Variants in ARL5A observed in about 807,000 individuals in gnomAD.
The protein encoded by ARL5A is ADP-ribosylation factor-like protein 5A.
A neutral mutation model predicts 25.9 loss-of-function variants in ARL5A; 18 were observed. The ratio of observed to expected loss-of-function variants is 0.69; its 90% CI spans 0.48 to 1.03. The LOEUF (loss-of-function observed/expected upper bound fraction) is 1.03, where lower values mean the gene tolerates loss of function less well. ARL5A is among the 50% of genes least tolerant of loss of function. The pLI, the probability that ARL5A is intolerant of heterozygous loss-of-function variation, is 0.00. For missense variants in ARL5A, 170 were observed against 211.9 expected, an observed-to-expected ratio of 0.80 and a Z score of 1.23; for synonymous variants, 61 against 67.5, an observed-to-expected ratio of 0.90 and a Z score of 0.47.
intron 1 of ARL5A, 144 bp downstream of exon 1, chr2:151,827,987 G>A: frequency 1.2e-6 from 1 of 801,184 alleles, no homozygotes; most frequent in Non-Finnish European, 2.1e-6. Flanking sequence ...AACCGTCCCG[G>A]GCCCGTATCC....
At chr2:151,821,890 C>G in intron 1 of ARL5A, among the ~76,000 whole-genome samples, 1 of 151,338 alleles carries the variant, frequency 6.6e-6, no homozygotes, top group East Asian at 1.9e-4. Flanking sequence ...CGCCCTGTCG[C>G]CCAGGCTGGA....
intron 5 of ARL5A, among the ~76,000 whole-genome samples, chr2:151,806,022 TAC>T (rs1180274271): frequency 6.6e-6 from 1 of 152,186 alleles, no homozygotes; most frequent in Non-Finnish European, 1.5e-5. Flanking sequence ...CTCTTTAAAC[TAC>T]ACTTACCTCA....
At chr2:151,823,460 G>A (rs2151297636) in intron 1 of ARL5A, among the ~76,000 whole-genome samples, 1 of 152,126 alleles carries the variant, frequency 6.6e-6, no homozygotes, top group East Asian at 1.9e-4. Flanking sequence ...ATTACACATG[G>A]CAAAATTAGA....
At chr2:151,810,464 T>C in intron 4 of ARL5A, 1 of 370,184 alleles carries the variant, frequency 2.7e-6, no homozygotes, top group Non-Finnish European at 5.4e-6. Context: ...TTGCTCAAAC[T>C]CCCAACTTCA....
At chr2:151,808,456 A>G (rs1380906988) in intron 4 of ARL5A, among the ~76,000 whole-genome samples, 1 of 35,992 alleles carries the variant, frequency 2.8e-5, no homozygotes, top group Admixed American at 4.6e-4. Context: ...TAAAGGAGTT[A>G]TGTAAAATAT....
chr2:151,806,747 A>G (rs1030117206), intron 5 of ARL5A, 74 bp downstream of exon 5: 1 of 1,411,394 alleles, frequency 7.1e-7, no homozygotes, highest in African/African-American at 1.5e-5. Context: ...TTAAATATTT[A>G]GGAGTTTAAA....
intron 4 of ARL5A, among the ~76,000 whole-genome samples, chr2:151,807,349 A>G (rs778449567): frequency 6.6e-6 from 1 of 152,138 alleles, no homozygotes; most frequent in African/African-American, 2.4e-5. Flanking sequence ...TCACTCCTAT[A>G]TAAGTACTCT....
At position 151,799,041 on chromosome 2, in the gene ARL5A, T is replaced by C. The variant is rs2099829068; in HGVS notation, c.*4235A>G. ...ATTTCTTCACAATCTGACAGGACTTTAGGGTTAACTAGAAAGTTACTTTTT... is the reference window on the plus strand; with the variant it reads ...ATTTCTTCACAATCTGACAGGACTTCAGGGTTAACTAGAAAGTTACTTTTT... On this transcript the variant is annotated 3_prime_UTR_variant, in exon 6 of 6. Transcript: ENST00000295087. 1 of 152,248 alleles carries C rather than the reference T, an allele frequency of 6.6e-6. No individual in the cohort carries two copies. Among genetic ancestry groups the C allele is most frequent in the Non-Finnish European group, 1.5e-5 (1 of 68,040 alleles). The allele number at this position is 152,248 out of a possible 1,614,324, so 9.4% of individuals were successfully genotyped here.
Position 151,806,826 on chromosome 2 carries a change from G to A in ARL5A, c.486C>T (p.Gly162=), listed in dbSNP as rs150433799. ...WHIQACCALT[G]EGLCQGLEWM... ...TTAAGAGGAAGATGTCTTACCCCTCGCCAGTTAGAGCACAGCATGCCTGGA... is the reference window on the plus strand; with the variant it reads ...TTAAGAGGAAGATGTCTTACCCCTCACCAGTTAGAGCACAGCATGCCTGGA... The change falls in exon 5 of 6, where the codon GGC becomes GGT. Residue 162 remains glycine (G), a synonymous_variant. Coordinates refer to ENST00000295087, the MANE Select transcript of ARL5A (RefSeq NM_012097.4). The A allele has an allele frequency of 7.5e-6, 12 of 1,601,638 alleles. No homozygotes were observed. The highest frequency in any genetic ancestry group is 5.4e-5 in the African/African-American group (4 of 74,076).
chr2:151,812,520 AG>A, intron 3 of ARL5A, 80 bp from the exon 4 acceptor site: 1 of 874,738 alleles, frequency 1.1e-6, no homozygotes, highest in South Asian at 2.2e-5. Flanking sequence ...TTTGACATAC[AG>A]GCTATTAATA....
intron 1 of ARL5A, among the ~76,000 whole-genome samples, chr2:151,816,098 G>A (rs973934462): frequency 2.6e-5 from 4 of 152,128 alleles, no homozygotes; most frequent in African/African-American, 4.8e-5. Context: ...CGTGATTTCT[G>A]AGCCTAAATC....
Position 151,802,472 on chromosome 2 carries a change from C to T in ARL5A, c.*804G>A, listed in dbSNP as rs1205942808. On this transcript the variant is annotated 3_prime_UTR_variant, in exon 6 of 6. Transcript: ENST00000295087. ...AATAATCTGATAGTTGCTCATTGTA[C>T]AATCCTGCCTATTAGTAATACTAAG... The T allele has an allele frequency of 6.6e-6, 1 of 152,076 alleles. No homozygotes were observed. The highest frequency in any genetic ancestry group is 2.4e-5 in the African/African-American group (1 of 41,416). The allele number at this position is 152,076 out of a possible 1,614,324, so 9.4% of individuals were successfully genotyped here. A position where few individuals can be genotyped will look rare whatever the true frequency, so the allele number is the denominator to read the frequency against.
chr2:151,807,203 C>T (rs2099830208), intron 4 of ARL5A, among the ~76,000 whole-genome samples: 1 of 152,104 alleles, frequency 6.6e-6, no homozygotes, highest in Admixed American at 6.5e-5. Context: ...ATTTAACAGT[C>T]ATGTTTCCCA....
chr2:151,822,998 A>G (rs931174169), intron 1 of ARL5A, among the ~76,000 whole-genome samples: 8 of 152,248 alleles, frequency 5.3e-5, no homozygotes, highest in Admixed American at 2.0e-4. Context: ...AATAATTGTT[A>G]TTGTAGAGAA....
chr2:151,814,387 G>A (rs1462894782), intron 2 of ARL5A, 71 bp from the exon 3 acceptor site: 3 of 1,214,228 alleles, frequency 2.5e-6, no homozygotes, highest in South Asian at 1.8e-5. Flanking sequence ...TTTTAATCAA[G>A]GACAAATCAG....
At chr2:151,812,315 A>AGGG (rs755164845) in intron 4 of ARL5A, 42 bp downstream of exon 4, 1 of 1,372,926 alleles carries the variant, frequency 7.3e-7, no homozygotes, top group Non-Finnish European at 1.0e-6. Context: ...ATCGATTCCC[A>AGGG]TACCCTTCCC....
chr2:151,820,192 T>C (rs1043992212), intron 1 of ARL5A, among the ~76,000 whole-genome samples: 3 of 152,234 alleles, frequency 2.0e-5, no homozygotes, highest in South Asian at 2.1e-4. Flanking sequence ...TCAAGATGCA[T>C]CATCTTTTAC....
At chr2:151,808,078 A>AT (rs1297124335) in intron 4 of ARL5A, among the ~76,000 whole-genome samples, 5 of 152,048 alleles carry the variant, frequency 3.3e-5, no homozygotes, top group Non-Finnish European at 1.5e-5. Flanking sequence ...TATACACAAA[A>AT]TTTTTTTAAG....
chr2:151,826,824 C>T (rs994192383), intron 1 of ARL5A, among the ~76,000 whole-genome samples: 1 of 152,208 alleles, frequency 6.6e-6, no homozygotes, highest in Non-Finnish European at 1.5e-5. Context: ...CCAGTCCAGT[C>T]AGAGACAGTG....
Sources: allele counts gnomAD v4.1 joint callset (sites outside exome capture counted in the v4.1 genomes callset), GRCh38; gene constraint gnomAD v4.1.1; transcripts MANE v1.5; gene names NCBI Gene and HGNC (gene_info 2026-07-23, HGNC 2026-07-21).